Variants in FAM13B observed in about 807,000 individuals in gnomAD.
FAM13B encodes protein FAM13B.
In FAM13B, 60 loss-of-function variants were observed where a neutral mutation model predicts 117.3. That is an observed-to-expected ratio of 0.51 (90% CI 0.42 to 0.63). FAM13B has a LOEUF of 0.63. Ranked by LOEUF, FAM13B falls within the 30% of genes least tolerant of loss-of-function variation. The pLI is 0.00. For missense variants in FAM13B, 972 were observed against 1,091.9 expected (o/e 0.89, Z 1.55); for synonymous variants, 332 against 356.1 (o/e 0.93, Z 0.76).
chr5:138,021,748 C>T (rs1314845837), intron 1 of FAM13B, among the ~76,000 whole-genome samples: 1 of 152,094 alleles, frequency 6.6e-6, no homozygotes, highest in Non-Finnish European at 1.5e-5. Flanking sequence ...ATTAATAACT[C>T]CGTCATTTTG....
At chr5:138,038,457 A>G (rs950127633) in intron 1 of FAM13B, 1 of 152,234 alleles carries the variant, frequency 6.6e-6, no homozygotes, top group Non-Finnish European at 1.5e-5. Context: ...AAATTCAGTC[A>G]AACTCAGCTA....
At chr5:138,024,153 T>C (rs1259300870) in intron 1 of FAM13B, among the ~76,000 whole-genome samples, 1 of 152,122 alleles carries the variant, frequency 6.6e-6, no homozygotes, top group African/African-American at 2.4e-5. Context: ...CCAAACCTCA[T>C]GTCCACCAAG....
At chr5:137,995,246 G>T (rs774530071) in intron 7 of FAM13B, among the ~76,000 whole-genome samples, 1 of 152,206 alleles carries the variant, frequency 6.6e-6, no homozygotes, top group African/African-American at 2.4e-5. Flanking sequence ...ACCCAATCAA[G>T]AGTCTACAAT....
At chr5:137,959,251 C>T (rs539184366) in intron 13 of FAM13B, among the ~76,000 whole-genome samples, 3 of 152,176 alleles carry the variant, frequency 2.0e-5, no homozygotes, top group Non-Finnish European at 4.4e-5. Context: ...ATTATACACG[C>T]TCTGCTTAAA....
chr5:137,949,626 A>G (rs1419425190), intron 17 of FAM13B, among the ~76,000 whole-genome samples: 3 of 152,176 alleles, frequency 2.0e-5, no homozygotes, highest in Non-Finnish European at 4.4e-5. Context: ...CTAAAAATAC[A>G]AAAGTTAGCC....
intron 10 of FAM13B, among the ~76,000 whole-genome samples, chr5:137,980,657 C>A (rs1200180631): frequency 6.6e-6 from 1 of 152,030 alleles, no homozygotes; most frequent in Non-Finnish European, 1.5e-5. Context: ...CCAGGCTGGC[C>A]TTGAACTCCT....
intron 1 of FAM13B, among the ~76,000 whole-genome samples, chr5:138,031,941 C>A (rs1790170383): frequency 6.6e-6 from 1 of 152,212 alleles, no homozygotes; most frequent in African/African-American, 2.4e-5. Flanking sequence ...TGTTAATAGT[C>A]TGCATTACTA....
intron 10 of FAM13B, among the ~76,000 whole-genome samples, chr5:137,967,555 T>C (rs916808178): frequency 6.6e-6 from 1 of 150,894 alleles, no homozygotes; most frequent in African/African-American, 2.4e-5. Context: ...AAAGGAAAAA[T>C]ACCATCAACC....
intron 10 of FAM13B, among the ~76,000 whole-genome samples, chr5:137,983,519 A>T (rs1239424928): frequency 6.6e-6 from 1 of 152,102 alleles, no homozygotes; most frequent in Non-Finnish European, 1.5e-5. Flanking sequence ...GAGTCGAGAG[A>T]GGGTTTTTTC....
chr5:137,954,096 G>A, intron 15 of FAM13B, 70 bp downstream of exon 15: 1 of 886,602 alleles, frequency 1.1e-6, no homozygotes, highest in African/African-American at 1.8e-5. Flanking sequence ...CAGGCTGGAA[G>A]ACTAAATCTC....
Position 138,018,519 on chromosome 5 carries a change from G to A in FAM13B, c.158-5C>T, listed in dbSNP as rs1246536512. On this transcript the variant is annotated splice_polypyrimidine_tract_variant and splice_region_variant and intron_variant, in intron 3 of 23. Coordinates refer to ENST00000689681, the MANE Select transcript of FAM13B (RefSeq NM_001385994.1). ...GTCCTTGTTGCTCCAGACCTCCTAC[G>A]TTAGTTCAAGGCAATCATTCAATAA... The A allele has an allele frequency of 6.2e-6, 10 of 1,612,742 alleles. No individual in the cohort carries two copies. The highest frequency in any genetic ancestry group is 1.1e-5 in the South Asian group (1 of 91,018).
At chr5:137,971,529 C>A (rs1772146711) in intron 10 of FAM13B, among the ~76,000 whole-genome samples, 1 of 147,462 alleles carries the variant, frequency 6.8e-6, no homozygotes, top group African/African-American at 2.5e-5. Context: ...AAAATTGACA[C>A]CCTAACATCA....
chr5:137,960,042 A>G lies in FAM13B; in HGVS notation c.1293+124T>C, dbSNP rs554321666. ...GCAAATTAAGTTGCTGTTTAACTGT[A>G]AAATATTTGGTAAGAGTATTTATAT... On this transcript the variant is annotated intron_variant, in intron 12 of 23. Coordinates refer to ENST00000689681, the MANE Select transcript of FAM13B (RefSeq NM_001385994.1). 3.6e-5 allele frequency: 26 copies of G among 714,766 alleles called. No individual in the cohort carries two copies. In the South Asian group the frequency reaches 4.4e-4, roughly 12 times the overall value. 44.3% of individuals were successfully genotyped at this position (714,766 alleles called of 1,614,324 possible).
At chr5:138,034,179 C>T (rs1477373237), upstream of FAM13B, 1 of 152,240 alleles carries the variant, frequency 6.6e-6, no homozygotes, top group East Asian at 1.9e-4. Context: ...TTCTATGAGG[C>T]TCCCAGGAAC....
rs144483611 is a variant in FAM13B at position 137,948,819 on chromosome 5, T to C, written c.2160+136A>G. The C allele has an allele frequency of 8.2e-5, 54 of 655,270 alleles. No individual in the cohort carries two copies. In the Middle Eastern group the frequency reaches 1.3e-3, roughly 15 times the overall value. The allele number at this position is 655,270 out of a possible 1,614,324, so 40.6% of individuals were successfully genotyped here. A position where few individuals can be genotyped will look rare whatever the true frequency, so the allele number is the denominator to read the frequency against. ...CACTTCTGTTATGCTGATTAAATCATGTTTCTGAATCTGCAAAGATGGGGA... is the reference window on the plus strand; with the variant it reads ...CACTTCTGTTATGCTGATTAAATCACGTTTCTGAATCTGCAAAGATGGGGA... On this transcript the variant is annotated intron_variant, in intron 18 of 23. Transcript: ENST00000689681.
upstream of FAM13B, among the ~76,000 whole-genome samples, chr5:138,034,819 A>C (rs560119787): frequency 6.6e-6 from 1 of 152,138 alleles, no homozygotes; most frequent in East Asian, 1.9e-4. Context: ...TTGCTTCAAA[A>C]GCTTTATCAT....
At position 138,033,025 on chromosome 5, in the gene FAM13B, G is replaced by A. The variant is rs942010760; in HGVS notation, c.-446C>T. The A allele has an allele frequency of 1.0e-6, 1 of 986,858 alleles. No individual in the cohort carries two copies. The highest frequency in any genetic ancestry group is 1.2e-6 in the Non-Finnish European group (1 of 831,092). The allele number at this position is 986,858 out of a possible 1,614,324, so 61.1% of individuals were successfully genotyped here. On this transcript the variant is annotated 5_prime_UTR_variant, in exon 1 of 24. Coordinates refer to ENST00000689681, the MANE Select transcript of FAM13B (RefSeq NM_001385994.1). ...GGAACAGGGGGAGAGAGTGGCGACA[G>A]AGGCGGCGGCTGAGGTGCAGAGCCT...
At chr5:137,958,768 T>C (rs1050860567) in intron 13 of FAM13B, among the ~76,000 whole-genome samples, 2 of 152,218 alleles carry the variant, frequency 1.3e-5, no homozygotes, top group Admixed American at 6.5e-5. Context: ...CATAGCAAAA[T>C]TGAAAGAACT....
intron 1 of FAM13B, among the ~76,000 whole-genome samples, chr5:138,049,266 GT>G (rs1561562703): frequency 6.7e-6 from 1 of 149,038 alleles, no homozygotes; most frequent in East Asian, 2.0e-4. Context: ...TTCTTGTTTT[GT>G]TTTTGTTTTT....
Sources: gnomAD v4.1 joint callset for allele counts (sites outside exome capture counted in the v4.1 genomes callset) on GRCh38, gnomAD v4.1.1 for gene constraint, MANE v1.5 for transcripts, NCBI Gene and HGNC (gene_info 2026-07-23, HGNC 2026-07-21) for gene names.